The following AKR7A3 variants were observed in gnomAD, a reference collection of about 807,000 sequenced individuals.
AKR7A3 encodes the protein AFB1 aldehyde reductase 2.
AKR7A3 carries 37 observed loss-of-function variants against 32.5 expected under a neutral mutation model. The observed-to-expected ratio is 1.14, with a 90% CI of 0.88 to 1.50. The LOEUF (loss-of-function observed/expected upper bound fraction) is 1.50. AKR7A3 is among the 40% of genes most tolerant of loss of function. The probability of loss-of-function intolerance (pLI) is 0.00; values close to 1 mark genes in which losing one functional copy is unlikely to be tolerated. For synonymous variants in AKR7A3, 177 were observed against 188.4 expected (o/e 0.94, Z 0.50); for missense variants, 412 against 453.2 (o/e 0.91, Z 0.83).
At chr1:19,285,317 A>G (rs1035325159) in intron 3 of AKR7A3, among the ~76,000 whole-genome samples, 3 of 151,986 alleles carry the variant, frequency 2.0e-5, no homozygotes, top group African/African-American at 4.9e-5. Context: ...ATGAGCACCA[A>G]CTATGGGCTG....
the AKR7A3 span, chr1:19,274,240 G>A: frequency 2.3e-6 from 3 of 1,329,258 alleles, no homozygotes; most frequent in Non-Finnish European, 2.9e-6. Context: ...CCCACGCGCT[G>A]GACTCCGCTC....
chr1:19,279,094 G>A (rs1345683575), downstream of AKR7A3, among the ~76,000 whole-genome samples: 1 of 151,808 alleles, frequency 6.6e-6, no homozygotes, highest in Non-Finnish European at 1.5e-5. Context: ...GAGTAGCTGG[G>A]ACTACAGGTG....
At chr1:19,277,464 T>C in the AKR7A3 span, among the ~76,000 whole-genome samples, 1 of 151,870 alleles carries the variant, frequency 6.6e-6, no homozygotes, top group Non-Finnish European at 1.5e-5. Flanking sequence ...AGAGGGAAAT[T>C]TATAGCACCA....
downstream of AKR7A3, among the ~76,000 whole-genome samples, chr1:19,280,728 G>A (rs1230662065): frequency 1.3e-5 from 2 of 151,300 alleles, no homozygotes; most frequent in African/African-American, 4.9e-5. Flanking sequence ...CCGCCACCAC[G>A]CCCAGCTAAT....
At position 19,285,009 on chromosome 1, in the gene AKR7A3, T is replaced by C. The variant is rs1453218070; in HGVS notation, c.604+9A>G. The C allele has an allele frequency of 1.2e-6, 2 of 1,612,228 alleles. No individual in the cohort carries two copies. Among genetic ancestry groups the C allele is most frequent in the South Asian group, 2.2e-5 (2 of 91,012 alleles). On this transcript the variant is annotated intron_variant, in intron 4 of 6. Transcript: ENST00000361640. ...TAGGCTGAGACAGGGCCAGGAATGC[T>C]CCACGTACCAGCCAGAGGGTTGAAG...
At chr1:19,282,487 G>A (rs377387061), downstream of AKR7A3, 5 of 634,028 alleles carry the variant, frequency 7.9e-6, no homozygotes, top group East Asian at 6.4e-5. Context: ...GCAGAGTGGT[G>A]AGCCAAATAA....
At chr1:19,284,248 C>A in intron 5 of AKR7A3, 123 bp from the exon 6 acceptor site, 1 of 1,350,474 alleles carries the variant, frequency 7.4e-7, no homozygotes, top group Non-Finnish European at 9.9e-7. Flanking sequence ...TTCTCTCTAG[C>A]CATGGGTCTC....
chr1:19,286,791 T>C (rs1165182603), intron 1 of AKR7A3, among the ~76,000 whole-genome samples: 1 of 151,804 alleles, frequency 6.6e-6, no homozygotes, highest in Non-Finnish European at 1.5e-5. Flanking sequence ...GAAAGTCACC[T>C]AGGCTGGCAG....
intron 1 of AKR7A3, 102 bp downstream of exon 1, chr1:19,288,394 A>G (rs1363707649): frequency 7.0e-7 from 1 of 1,420,510 alleles, no homozygotes; most frequent in South Asian, 1.4e-5. Context: ...GGGGGACAAA[A>G]CTTTGGGTGC....
the AKR7A3 span, among the ~76,000 whole-genome samples, chr1:19,275,423 G>A: frequency 1.3e-5 from 2 of 149,588 alleles, no homozygotes; most frequent in South Asian, 2.1e-4. Context: ...AAAAAAAAAA[G>A]TAAAAAGGTG....
At chr1:19,276,796 C>T in the AKR7A3 span, among the ~76,000 whole-genome samples, 12 of 150,980 alleles carry the variant, frequency 7.9e-5, no homozygotes, top group Non-Finnish European at 1.6e-4. Context: ...AGTGAGATTC[C>T]GTCTTAAAAA....
downstream of AKR7A3, among the ~76,000 whole-genome samples, chr1:19,278,310 G>C (rs904703154): frequency 6.6e-6 from 1 of 151,780 alleles, no homozygotes; most frequent in African/African-American, 2.4e-5. Flanking sequence ...TGTAATCCCA[G>C]CACTTTGGGA....
intron 1 of AKR7A3, among the ~76,000 whole-genome samples, chr1:19,286,582 G>A (rs1450391342): frequency 6.6e-6 from 1 of 151,896 alleles, no homozygotes; most frequent in African/African-American, 2.4e-5. Context: ...TCCGGAGTCT[G>A]AGGCAGGAGA....
At chr1:19,288,272 GAGAAGAGAGACGAAC>G (rs1006512421) in intron 1 of AKR7A3, among the ~76,000 whole-genome samples, 2 of 151,740 alleles carry the variant, frequency 1.3e-5, no homozygotes, top group African/African-American at 4.8e-5. Context: ...CCTCCCGGAA[GAGAAGAGAGACGAAC>G]AGAAGAGAAG....
At chr1:19,280,730 C>G (rs1472015890), downstream of AKR7A3, among the ~76,000 whole-genome samples, 1 of 151,518 alleles carries the variant, frequency 6.6e-6, no homozygotes, top group African/African-American at 2.4e-5. Context: ...GCCACCACGC[C>G]CAGCTAATTT....
Position 19,284,770 on chromosome 1 carries a change from C to T in AKR7A3, c.620G>A (p.Gly207Asp). The T allele has an allele frequency of 6.2e-7, 1 of 1,613,914 alleles. No homozygotes were observed. The highest frequency in any genetic ancestry group is 8.5e-7 in the Non-Finnish European group (1 of 1,179,996). ...ATTCTTGTCCTCATACTTGTACTTG[C>T]CGGTCAGCAGGCCCCCTGAGGGAAA... Reference protein sequence around the residue: ...FNPLAGGLLTGKYKYEDKNGK... With the variant: ...FNPLAGGLLTDKYKYEDKNGK... The change falls in exon 5 of 7, where the codon GGC becomes GAC. Residue 207 changes from glycine to aspartate, a missense_variant. By Grantham distance (94) the Gly-to-Asp change is moderately conservative. Coordinates refer to ENST00000361640, the MANE Select transcript of AKR7A3 (RefSeq NM_012067.3).
rs758890877 is a variant in AKR7A3, at chr1:19,284,087, A to G, written c.743T>C (p.Val248Ala). The G allele has an allele frequency of 6.2e-7, 1 of 1,613,588 alleles. No individual in the cohort carries two copies. Among genetic ancestry groups the G allele is most frequent in the South Asian group, 1.1e-5 (1 of 91,052 alleles). The change falls in exon 6 of 7, where the codon GTG becomes GCG. Residue 248 changes from valine to alanine, a missense_variant. Val to Ala is a moderately conservative substitution (Grantham distance 64, BLOSUM62 0). Coordinates refer to ENST00000361640, the MANE Select transcript of AKR7A3 (RefSeq NM_012067.3). ...KEHHFEGIAL[V>A]EKALQAAYGA... ...ATACGCGGCCTGCAGGGCCTTCTCC[A>G]CCAGGGCAATGCCCTCAAAGTGGTG... is the stretch of plus-strand genomic sequence containing the variant.
At chr1:19,283,290 G>T (rs1018189788) in intron 6 of AKR7A3, among the ~76,000 whole-genome samples, 4 of 151,404 alleles carry the variant, frequency 2.6e-5, no homozygotes, top group Non-Finnish European at 5.9e-5. Flanking sequence ...ATCTAAGGCT[G>T]GAGTTGGATA....
In AKR7A3 at chr1:19,285,538, T is replaced by C. The variant is rs867485836; in HGVS notation, c.507+350A>G. 1.3e-5 allele frequency among the ~76,000 whole-genome samples: 2 copies of C among 151,622 alleles called. 1 individual carries two copies. The highest frequency in any genetic ancestry group is 4.9e-5 in the African/African-American group (2 of 40,922). ...AACAAGGACCTGAGGTCTCAGGGTC[T>C]TCTGGGCCCATCTAGAAAGGCTTCC... On this transcript the variant is annotated intron_variant, in intron 3 of 6. Coordinates refer to ENST00000361640, the MANE Select transcript of AKR7A3 (RefSeq NM_012067.3).
Sources: allele counts gnomAD v4.1 joint callset (sites outside exome capture counted in the v4.1 genomes callset), GRCh38; gene constraint gnomAD v4.1.1; transcripts MANE v1.5; gene names NCBI Gene and HGNC (gene_info 2026-07-23, HGNC 2026-07-21).